The following ALMS1 variants were observed in gnomAD, a reference collection of about 807,000 sequenced individuals.
The protein encoded by ALMS1 is ALMS1 centrosome and basal body associated protein, also known as centrosome-associated protein ALMS1.
In ALMS1, 271 loss-of-function variants were observed where a neutral mutation model predicts 352.2. The observed-to-expected ratio is 0.77, with a 90% CI of 0.70 to 0.85. The LOEUF (loss-of-function observed/expected upper bound fraction) is 0.85. Ranked by LOEUF, ALMS1 falls within the 40% of genes least tolerant of loss-of-function variation. ALMS1 has a pLI of 0.00. For synonymous variants in ALMS1, 1,865 were observed against 1,761.2 expected (o/e 1.06, Z -1.48); for missense variants, 5,445 against 4,870.7 (o/e 1.12, Z -3.51).
chr2:73,604,055 T>G (rs1200087862), intron 21 of ALMS1: 1 of 152,236 alleles, frequency 6.6e-6, no homozygotes, highest in Non-Finnish European at 1.5e-5. Context: ...CCATTTGTGG[T>G]CTTTAAAAAT....
intron 9 of ALMS1, among the ~76,000 whole-genome samples, chr2:73,482,624 C>T (rs371337474): frequency 1.3e-5 from 2 of 152,110 alleles, no homozygotes; most frequent in South Asian, 2.1e-4. Context: ...CCTCTTTTTC[C>T]ATTGATTGGA....
intron 13 of ALMS1, among the ~76,000 whole-genome samples, chr2:73,552,113 T>A (rs975773844): frequency 2.0e-5 from 3 of 152,184 alleles, no homozygotes; most frequent in Non-Finnish European, 4.4e-5. Flanking sequence ...TGCAGGTTAG[T>A]TACATATGTA....
chr2:73,482,935 C>G (rs1274564103), intron 9 of ALMS1, among the ~76,000 whole-genome samples: 1 of 152,208 alleles, frequency 6.6e-6, no homozygotes, highest in Non-Finnish European at 1.5e-5. Context: ...TCCCCTTTAT[C>G]ATTTTTAATT....
At chr2:73,493,381 G>A (rs553002984) in intron 10 of ALMS1, among the ~76,000 whole-genome samples, 93 of 147,914 alleles carry the variant, frequency 6.3e-4, no homozygotes, top group South Asian at 5.4e-3. Context: ...ACACACAGAT[G>A]CATAAAACAT....
chr2:73,489,562 T>G, intron 9 of ALMS1, 72 bp from the exon 10 acceptor site: 3 of 1,564,346 alleles, frequency 1.9e-6, no homozygotes, highest in Non-Finnish European at 2.6e-6. Flanking sequence ...TAAAACTGAT[T>G]TGTATAAAAC....
chr2:73,544,965 T>C (rs1674281360), intron 12 of ALMS1, among the ~76,000 whole-genome samples: 1 of 152,110 alleles, frequency 6.6e-6, no homozygotes, highest in South Asian at 2.1e-4. Flanking sequence ...TTATATGAGG[T>C]ACCTAGAAAA....
chr2:73,436,911 CT>C (rs1435339057), intron 7 of ALMS1, among the ~76,000 whole-genome samples: 2 of 152,196 alleles, frequency 1.3e-5, no homozygotes, highest in East Asian at 3.8e-4. Context: ...TTTGTTCCCC[CT>C]GTGAAGGGGT....
intron 16 of ALMS1, among the ~76,000 whole-genome samples, chr2:73,579,036 G>T (rs1329790032): frequency 1.4e-5 from 2 of 138,002 alleles, no homozygotes; most frequent in East Asian, 2.1e-4. Context: ...TTGTTTATCT[G>T]GGAATGTCTT....
chr2:73,592,440 C>T (rs1158866485), intron 16 of ALMS1, among the ~76,000 whole-genome samples: 1 of 152,170 alleles, frequency 6.6e-6, no homozygotes, highest in Admixed American at 6.5e-5. Context: ...TGACACAGTT[C>T]TATAAACTTT....
chr2:73,508,155 T>C (rs578027595), intron 10 of ALMS1, among the ~76,000 whole-genome samples: 23 of 151,102 alleles, frequency 1.5e-4, no homozygotes, highest in African/African-American at 5.3e-4. Context: ...TTCCTTTCCT[T>C]TCCTTTCCTT....
chr2:73,421,781 GATGACAAC>G (rs1671289263), intron 3 of ALMS1, among the ~76,000 whole-genome samples: 2 of 152,250 alleles, frequency 1.3e-5, no homozygotes, highest in South Asian at 4.1e-4. Context: ...GTAAAGGACA[GATGACAAC>G]ATGGTGAGCT....
chr2:73,462,137 C>G (rs1039110591), intron 9 of ALMS1, among the ~76,000 whole-genome samples: 5 of 151,926 alleles, frequency 3.3e-5, no homozygotes, highest in African/African-American at 4.8e-5. Flanking sequence ...AAGAGCAACT[C>G]CAAGACACAT....
chr2:73,468,816 A>T (rs1485889763), intron 9 of ALMS1, among the ~76,000 whole-genome samples: 1 of 151,972 alleles, frequency 6.6e-6, no homozygotes, highest in Non-Finnish European at 1.5e-5. Context: ...AATAAGGAGG[A>T]ACCTGCTTCT....
At chr2:73,533,657 T>A (rs1423233114) in intron 11 of ALMS1, among the ~76,000 whole-genome samples, 1 of 152,078 alleles carries the variant, frequency 6.6e-6, no homozygotes, top group African/African-American at 2.4e-5. Context: ...GTAGGGAAGT[T>A]GGACACGAGG....
intron 15 of ALMS1, among the ~76,000 whole-genome samples, chr2:73,569,430 T>C (rs1455173417): frequency 1.3e-5 from 2 of 152,184 alleles, no homozygotes; most frequent in African/African-American, 2.4e-5. Flanking sequence ...AGCAATGTTA[T>C]CTATTTCCTT....
intron 1 of ALMS1, among the ~76,000 whole-genome samples, chr2:73,389,076 C>G (rs1461877457): frequency 6.6e-6 from 1 of 152,102 alleles, no homozygotes; most frequent in Non-Finnish European, 1.5e-5. Context: ...TATACGTGTT[C>G]CCTTTTCTTC....
chr2:73,596,881 T>C (rs1377476954), intron 16 of ALMS1, among the ~76,000 whole-genome samples: 9 of 142,950 alleles, frequency 6.3e-5, no homozygotes, highest in African/African-American at 2.2e-4. Context: ...TTTTTTTTCT[T>C]TTTTTTTTTT....
intron 15 of ALMS1, 148 bp from the exon 16 acceptor site, chr2:73,572,113 CT>C: frequency 1.4e-6 from 1 of 690,760 alleles, no homozygotes. Context: ...AGGCATCAGT[CT>C]TTTGTGCAGG....
intron 3 of ALMS1, 41 bp downstream of exon 3, chr2:73,419,359 T>C (rs370178725): frequency 6.3e-6 from 10 of 1,591,494 alleles, no homozygotes; most frequent in Admixed American, 1.7e-5. Context: ...TACCTCACAT[T>C]TGTAAGTTTT....
Sources: allele counts gnomAD v4.1 joint callset (sites outside exome capture counted in the v4.1 genomes callset), GRCh38; gene constraint gnomAD v4.1.1; transcripts MANE v1.5; gene names NCBI Gene and HGNC (gene_info 2026-07-23, HGNC 2026-07-21).